CADM1: variants seen among roughly 807,000 people sequenced by gnomAD.
CADM1 encodes the protein TSLC-1.
Under a neutral mutation model 53.1 loss-of-function variants are expected in CADM1, and 15 were observed. The ratio of observed to expected loss-of-function variants is 0.28; its 90% CI spans 0.19 to 0.44. CADM1 has a LOEUF of 0.44. Ranked by LOEUF, CADM1 falls within the 20% of genes least tolerant of loss-of-function variation. The pLI, the probability that CADM1 is intolerant of heterozygous loss-of-function variation, is 1.00. For synonymous variants in CADM1, 281 were observed against 243.0 expected, an observed-to-expected ratio of 1.16 and a Z score of -1.45; for missense variants, 434 against 611.3, an observed-to-expected ratio of 0.71 and a Z score of 3.06.
chr11:115,467,004 C>T (rs548768862), intron 1 of CADM1, among the ~76,000 whole-genome samples: 5 of 152,250 alleles, frequency 3.3e-5, no homozygotes, highest in Admixed American at 1.3e-4. Context: ...TTAAATATGG[C>T]AATATTTCAA....
chr11:115,254,591 C>G (rs77812287), intron 1 of CADM1, among the ~76,000 whole-genome samples: 21 of 140,816 alleles, frequency 1.5e-4, no homozygotes, highest in Admixed American at 9.0e-4. Flanking sequence ...CACACACACA[C>G]ACAGAGACAA....
At chr11:115,186,431 C>T (rs895764503) in intron 10 of CADM1, among the ~76,000 whole-genome samples, 5 of 152,152 alleles carry the variant, frequency 3.3e-5, no homozygotes, top group African/African-American at 1.2e-4. Context: ...TTCCCTCATT[C>T]CCCGGGTGCG....
At chr11:115,306,266 GTGC>G (rs1460379279) in intron 1 of CADM1, among the ~76,000 whole-genome samples, 4 of 151,938 alleles carry the variant, frequency 2.6e-5, no homozygotes, top group African/African-American at 9.7e-5. Context: ...ACAGTATTCA[GTGC>G]AGTAACATGC....
intron 1 of CADM1, among the ~76,000 whole-genome samples, chr11:115,451,451 A>G (rs1258643344): frequency 6.6e-6 from 1 of 152,172 alleles, no homozygotes. Context: ...ATTATCCTAC[A>G]TTTGCTGAGG....
At chr11:115,262,119 T>G (rs1942993650) in intron 1 of CADM1, among the ~76,000 whole-genome samples, 1 of 151,922 alleles carries the variant, frequency 6.6e-6, no homozygotes, top group African/African-American at 2.4e-5. Context: ...CATGTATATA[T>G]TTTGTGTCAC....
At chr11:115,206,818 A>C (rs1156599139) in intron 8 of CADM1, among the ~76,000 whole-genome samples, 2 of 84,548 alleles carry the variant, frequency 2.4e-5, no homozygotes, top group African/African-American at 9.1e-5. Flanking sequence ...ACTGTCACCG[A>C]ATTTGGCTGC....
chr11:115,263,946 T>C (rs951745549), intron 1 of CADM1, among the ~76,000 whole-genome samples: 1 of 152,270 alleles, frequency 6.6e-6, no homozygotes, highest in Middle Eastern at 3.4e-3. Context: ...ATATATATCT[T>C]TTCTGATTCC....
At chr11:115,256,528 G>C (rs1942794443) in intron 1 of CADM1, among the ~76,000 whole-genome samples, 1 of 152,160 alleles carries the variant, frequency 6.6e-6, no homozygotes, top group Admixed American at 6.5e-5. Flanking sequence ...TGCTCACAGG[G>C]GGAAGTAACA....
intron 1 of CADM1, among the ~76,000 whole-genome samples, chr11:115,388,249 GTGGGTGGA>G (rs952307180): frequency 4.1e-4 from 63 of 152,184 alleles, no homozygotes; most frequent in East Asian, 1.9e-3. Context: ...ATGAGAGTGG[GTGGGTGGA>G]TGGGTGGATG....
intron 1 of CADM1, chr11:115,256,697 A>G: frequency 2.5e-6 from 1 of 406,904 alleles, no homozygotes; most frequent in South Asian, 1.8e-5. Flanking sequence ...AGAGAGAGCC[A>G]GCAACAAAAT....
intron 1 of CADM1, among the ~76,000 whole-genome samples, chr11:115,383,156 A>T (rs1946619862): frequency 6.6e-6 from 1 of 152,222 alleles, no homozygotes; most frequent in Non-Finnish European, 1.5e-5. Context: ...GTAAACCTGC[A>T]TCATGTCAAA....
chr11:115,233,088 T>C (rs1043403447), intron 3 of CADM1, among the ~76,000 whole-genome samples: 7 of 152,066 alleles, frequency 4.6e-5, no homozygotes, highest in Admixed American at 2.6e-4. Context: ...GATAGAAAAG[T>C]AAAAGTAAAA....
At chr11:115,421,649 G>C (rs987273349) in intron 1 of CADM1, among the ~76,000 whole-genome samples, 1 of 152,174 alleles carries the variant, frequency 6.6e-6, no homozygotes, top group Non-Finnish European at 1.5e-5. Flanking sequence ...TAACAGCAGG[G>C]AGCTTAAATA....
chr11:115,438,362 A>G (rs1357319123), intron 1 of CADM1, among the ~76,000 whole-genome samples: 1 of 152,138 alleles, frequency 6.6e-6, no homozygotes, highest in Non-Finnish European at 1.5e-5. Context: ...TGGCAGCAGC[A>G]GTATAATGCT....
intron 1 of CADM1, among the ~76,000 whole-genome samples, chr11:115,487,523 G>A (rs1949402673): frequency 6.6e-6 from 1 of 152,010 alleles, no homozygotes; most frequent in Non-Finnish European, 1.5e-5. Context: ...AAATTAATAT[G>A]AAAATGGGAG....
chr11:115,423,252 C>T (rs1947804832), intron 1 of CADM1, among the ~76,000 whole-genome samples: 3 of 152,200 alleles, frequency 2.0e-5, no homozygotes, highest in Admixed American at 6.5e-5. Flanking sequence ...ATGATGTGAC[C>T]GTATTTACAA....
intron 1 of CADM1, among the ~76,000 whole-genome samples, chr11:115,279,689 T>A (rs540577519): frequency 6.6e-6 from 1 of 152,164 alleles, no homozygotes; most frequent in Admixed American, 6.5e-5. Flanking sequence ...AATTCCTCTA[T>A]GGTAAATGAT....
intron 1 of CADM1, among the ~76,000 whole-genome samples, chr11:115,470,917 C>A (rs1315418652): frequency 6.6e-6 from 1 of 152,264 alleles, no homozygotes; most frequent in East Asian, 1.9e-4. Flanking sequence ...TGAAGGACCC[C>A]GAAGTCAAAA....
intron 3 of CADM1, among the ~76,000 whole-genome samples, chr11:115,237,749 T>C (rs989399212): frequency 6.6e-6 from 1 of 152,188 alleles, no homozygotes; most frequent in Non-Finnish European, 1.5e-5. Flanking sequence ...TAAAGGTGAC[T>C]AATTCAGACC....
Sources: allele counts gnomAD v4.1 joint callset (sites outside exome capture counted in the v4.1 genomes callset), GRCh38; gene constraint gnomAD v4.1.1; transcripts MANE v1.5; gene names NCBI Gene and HGNC (gene_info 2026-07-23, HGNC 2026-07-21).